Variants in PAN3 observed in about 807,000 individuals in gnomAD.
PAN3 encodes the protein PAN2-PAN3 deadenylation complex subunit PAN3.
A neutral mutation model predicts 96.2 loss-of-function variants in PAN3; 19 were observed. That is an observed-to-expected ratio of 0.20 (90% CI 0.14 to 0.29). PAN3 has a LOEUF of 0.29. Ranked by LOEUF, PAN3 falls within the 10% of genes least tolerant of loss-of-function variation. The pLI is 1.00. For missense variants in PAN3, 882 were observed against 1,108.1 expected, an observed-to-expected ratio of 0.80 and a Z score of 2.90; for synonymous variants, 433 against 406.6, an observed-to-expected ratio of 1.06 and a Z score of -0.78.
rs1200560802 is a variant in PAN3 at position 28,272,084 on chromosome 13, T to G, written c.2049+13T>G. On this transcript the variant is annotated intron_variant, in intron 14 of 18. Coordinates refer to ENST00000380958, the MANE Select transcript of PAN3 (RefSeq NM_175854.8). ...GGCCCAGTACCAGGTGAGTAAGAAT[T>G]AACATGGATATTTACTTGTTTTCCT... 1 of 1,469,730 alleles carries G rather than the reference T, an allele frequency of 6.8e-7. No individual in the cohort carries two copies. The highest frequency in any genetic ancestry group is 9.4e-7 in the Non-Finnish European group (1 of 1,068,570). The allele number at this position is 1,469,730 out of a possible 1,614,324, so 91.0% of individuals were successfully genotyped here.
At chr13:28,154,881 C>T (rs1871911247) in intron 1 of PAN3, among the ~76,000 whole-genome samples, 1 of 148,352 alleles carries the variant, frequency 6.7e-6, no homozygotes, top group Non-Finnish European at 1.5e-5. Flanking sequence ...AGTGCAGTGG[C>T]GCGATCTCGG....
chr13:28,210,287 T>C (rs1241607298), intron 5 of PAN3, among the ~76,000 whole-genome samples: 1 of 152,188 alleles, frequency 6.6e-6, no homozygotes, highest in East Asian at 1.9e-4. Flanking sequence ...ATTTTTGTTT[T>C]CCTCCATTCT....
rs534718590 is a variant in PAN3 at position 28,267,137 on chromosome 13, T to C, written c.1616T>C (p.Met539Thr). 3 of 1,612,944 alleles carry C rather than the reference T, an allele frequency of 1.9e-6. No homozygotes were observed. Among genetic ancestry groups the C allele is most frequent in the Non-Finnish European group, 2.5e-6 (3 of 1,179,020 alleles). ...ACAAAGTGCATGGTGTTGGTCGACATGTGGAAGAAAATTCAACACTCAAAT... is the reference window on the plus strand; with the variant it reads ...ACAAAGTGCATGGTGTTGGTCGACACGTGGAAGAAAATTCAACACTCAAAT... ...VNTKCMVLVD[M>T]WKKIQHSNIV... Residue 539 changes from methionine to threonine, a missense_variant, in exon 11 of 19, where the codon ATG becomes ACG. Physicochemically the swap from Met to Thr is moderately conservative, Grantham distance 81 (BLOSUM62 -1). Around this residue, in one of 3 missense-constraint regions of PAN3, gnomAD observed 364 missense variants for 513.6 expected, o/e 0.71. Coordinates refer to ENST00000380958, the MANE Select transcript of PAN3 (RefSeq NM_175854.8).
At chr13:28,222,925 A>C (rs1489160776) in intron 6 of PAN3, among the ~76,000 whole-genome samples, 11 of 152,122 alleles carry the variant, frequency 7.2e-5, no homozygotes, top group Admixed American at 7.2e-4. Context: ...GGGTAACATC[A>C]TTTTCATTAC....
chr13:28,250,956 A>G (rs1218845163), intron 6 of PAN3, among the ~76,000 whole-genome samples: 5 of 151,966 alleles, frequency 3.3e-5, no homozygotes, highest in African/African-American at 1.2e-4. Flanking sequence ...GTATCTCTTA[A>G]CTGCTCTTTT....
intron 7 of PAN3, 47 bp from the exon 8 acceptor site, chr13:28,260,400 A>G (rs768541563): frequency 1.4e-6 from 2 of 1,450,184 alleles, no homozygotes; most frequent in South Asian, 1.1e-5. Context: ...TCTGAAAAAA[A>G]GAAAGAAAAA....
At chr13:28,204,953 C>T (rs1306132045) in intron 5 of PAN3, among the ~76,000 whole-genome samples, 1 of 152,174 alleles carries the variant, frequency 6.6e-6, no homozygotes, top group East Asian at 1.9e-4. Context: ...TTGTCAGCAT[C>T]TCTTTTGATG....
chr13:28,203,975 G>A (rs1351770724), intron 5 of PAN3, among the ~76,000 whole-genome samples: 2 of 151,660 alleles, frequency 1.3e-5, no homozygotes, highest in African/African-American at 4.8e-5. Flanking sequence ...GCTAATTTTT[G>A]TATTTTTAAT....
At chr13:28,138,307 T>A, upstream of PAN3, 1 of 161,238 alleles carries the variant, frequency 6.2e-6, no homozygotes. Context: ...CCCCTCCGCC[T>A]TCCCCACCCG....
intron 1 of PAN3, among the ~76,000 whole-genome samples, chr13:28,144,514 C>T (rs115723381): frequency 0.01 from 1,560 of 151,740 alleles, 22 homozygotes; most frequent in African/African-American, 0.035. Context: ...TGGGCCCGGC[C>T]GGTTTCGATA....
intron 15 of PAN3, among the ~76,000 whole-genome samples, chr13:28,279,622 T>C (rs1442529421): frequency 2.0e-5 from 3 of 151,356 alleles, no homozygotes; most frequent in African/African-American, 7.3e-5. Flanking sequence ...TATCTGGGCT[T>C]GGTGGCGCAC....
intron 1 of PAN3, among the ~76,000 whole-genome samples, chr13:28,161,306 A>AGGATAGT: frequency 6.6e-6 from 1 of 152,238 alleles, no homozygotes; most frequent in East Asian, 1.9e-4. Context: ...GTGGAGGATA[A>AGGATAGT]TCTGTTCCAT....
chr13:28,177,987 TG>T, intron 4 of PAN3, 52 bp downstream of exon 4: 2 of 1,504,106 alleles, frequency 1.3e-6, no homozygotes, highest in Non-Finnish European at 1.8e-6. Flanking sequence ...GAAGTGATGT[TG>T]GCATTGTTAC....
intron 6 of PAN3, among the ~76,000 whole-genome samples, chr13:28,229,706 GTTTTTATTGGCT>G (rs1882339224): frequency 6.6e-6 from 1 of 151,848 alleles, no homozygotes; most frequent in Admixed American, 6.6e-5. Flanking sequence ...CATTTTTTTT[GTTTTTATTGGCT>G]TTTTTATTGG....
At chr13:28,194,805 G>C (rs1877814151) in intron 4 of PAN3, among the ~76,000 whole-genome samples, 1 of 151,688 alleles carries the variant, frequency 6.6e-6, no homozygotes, top group Non-Finnish European at 1.5e-5. Flanking sequence ...GTCTAATTAG[G>C]GTTATATTAC....
At chr13:28,241,564 G>A (rs1008779114) in intron 6 of PAN3, among the ~76,000 whole-genome samples, 3 of 152,168 alleles carry the variant, frequency 2.0e-5, no homozygotes, top group Admixed American at 6.5e-5. Flanking sequence ...GGGAGGCTTC[G>A]TTGAACTCAA....
intron 5 of PAN3, among the ~76,000 whole-genome samples, chr13:28,209,479 G>A (rs1344317752): frequency 6.6e-6 from 1 of 152,048 alleles, no homozygotes; most frequent in Non-Finnish European, 1.5e-5. Context: ...TAGTATAGGT[G>A]TCTCTTTTCA....
rs1881281698 is a variant in PAN3, at chr13:28,220,436, A to G, written c.1000+58A>G. On this transcript the variant is annotated intron_variant, in intron 6 of 18. Coordinates refer to ENST00000380958, the MANE Select transcript of PAN3 (RefSeq NM_175854.8). Reference sequence around the variant, plus strand: ...GATACCATGTCTGTAAGCACCATTTACTATTAATTTATCAGAACTGAAATT... The same window carrying G: ...GATACCATGTCTGTAAGCACCATTTGCTATTAATTTATCAGAACTGAAATT... 5.2e-6 allele frequency: 8 copies of G among 1,530,964 alleles called. No homozygotes were observed. The South Asian group carries it at 9.7e-5, about 18-fold the overall frequency. 94.8% of individuals were successfully genotyped at this position (1,530,964 alleles called of 1,614,324 possible).
At chr13:28,252,961 G>T (rs1884856620) in intron 6 of PAN3, among the ~76,000 whole-genome samples, 1 of 152,114 alleles carries the variant, frequency 6.6e-6, no homozygotes, top group Non-Finnish European at 1.5e-5. Context: ...TTTCCCTGCT[G>T]TATATGGAAA....
Sources: allele counts gnomAD v4.1 joint callset (sites outside exome capture counted in the v4.1 genomes callset), GRCh38; gene constraint gnomAD v4.1.1; regional missense constraint gnomAD v4.1.1; transcripts MANE v1.5; gene names NCBI Gene and HGNC (gene_info 2026-07-23, HGNC 2026-07-21).